KANK1: variants seen among roughly 807,000 people sequenced by gnomAD.
KANK1 encodes the protein KN motif and ankyrin repeat domains 1, also known as KN motif and ankyrin repeat domain-containing protein 1.
Under a neutral mutation model 106.2 loss-of-function variants are expected in KANK1, and 109 were observed. That is an observed-to-expected ratio of 1.03 (90% CI 0.88 to 1.20). The LOEUF (loss-of-function observed/expected upper bound fraction) is 1.20, where lower values mean the gene tolerates loss of function less well. KANK1 is among the 50% of genes most tolerant of loss of function. KANK1 has a pLI of 0.00. For synonymous variants in KANK1, 873 were observed against 652.2 expected (o/e 1.34, Z -5.16); for missense variants, 2,399 against 1,710.7 (o/e 1.40, Z -7.10).
chr9:666,434 C>G (rs1242139621), intron 1 of KANK1, among the ~76,000 whole-genome samples: 1 of 151,930 alleles, frequency 6.6e-6, no homozygotes, highest in African/African-American at 2.4e-5. Context: ...ATATGAACAC[C>G]TTTATTTTTT....
At chr9:482,498 A>G (rs1461010141) in intron 3 of KANK1, among the ~76,000 whole-genome samples, 4 of 152,152 alleles carry the variant, frequency 2.6e-5, no homozygotes, top group African/African-American at 4.8e-5. Flanking sequence ...ATGGGGCACA[A>G]TATTTTCCCC....
At chr9:697,280 G>A (rs1223624025) in intron 2 of KANK1, among the ~76,000 whole-genome samples, 1 of 152,166 alleles carries the variant, frequency 6.6e-6, no homozygotes, top group Non-Finnish European at 1.5e-5. Context: ...GTGCAAAAGT[G>A]ATGCTCTGCT....
chr9:713,604 G>A, intron 3 of KANK1, 140 bp downstream of exon 3: 1 of 900,160 alleles, frequency 1.1e-6, no homozygotes, highest in Non-Finnish European at 1.6e-6. Context: ...TCTGTAGAAT[G>A]AAAACTAAGA....
intron 1 of KANK1, among the ~76,000 whole-genome samples, chr9:555,092 G>A (rs780545709): frequency 5.3e-5 from 8 of 152,170 alleles, no homozygotes; most frequent in Non-Finnish European, 1.2e-4. Flanking sequence ...CTGGCCTAGC[G>A]ACCACACTTT....
chr9:671,623 A>AAAAAAAAG (rs79437342), intron 1 of KANK1, among the ~76,000 whole-genome samples: 1 of 103,636 alleles, frequency 9.6e-6, no homozygotes, highest in Non-Finnish European at 1.8e-5. Flanking sequence ...CTCAAAAAAA[A>AAAAAAAAG]AAAAGAGTGT....
intron 1 of KANK1, among the ~76,000 whole-genome samples, chr9:600,019 A>G (rs1464124628): frequency 2.0e-5 from 3 of 151,856 alleles, no homozygotes; most frequent in African/African-American, 7.3e-5. Flanking sequence ...GGCAAAAAAA[A>G]TTACCTTAAA....
intron 2 of KANK1, among the ~76,000 whole-genome samples, chr9:709,661 G>T (rs965133734): frequency 1.7e-4 from 25 of 148,640 alleles, no homozygotes; most frequent in African/African-American, 6.0e-4. Context: ...TGTTGCCCAG[G>T]CTAGAATGCA....
rs533226438 is a variant in KANK1 at position 663,241 on chromosome 9, G to C, written c.-83-13649G>C. Among the ~76,000 whole-genome samples, 11 of 152,290 alleles carry C rather than the reference G, an allele frequency of 7.2e-5. No homozygotes were observed. In the South Asian group the frequency reaches 2.1e-3, roughly 29 times the overall value. ...AATCGTACTAAACTAACTTATATCT[G>C]TGGCTACTACATTGTTGTTCTTTAA... On this transcript the variant is annotated intron_variant, in intron 1 of 11. Coordinates refer to ENST00000382297, the MANE Select transcript of KANK1 (RefSeq NM_015158.5).
intron 2 of KANK1, among the ~76,000 whole-genome samples, chr9:702,660 A>G (rs1822976766): frequency 6.6e-6 from 1 of 152,194 alleles, no homozygotes; most frequent in African/African-American, 2.4e-5. Context: ...TATTGAATGT[A>G]GCCTCTTTCC....
intron 1 of KANK1, among the ~76,000 whole-genome samples, chr9:560,627 A>G (rs1816156281): frequency 6.6e-6 from 1 of 152,230 alleles, no homozygotes; most frequent in Non-Finnish European, 1.5e-5. Context: ...ACTTTAAATT[A>G]TCACCAGATA....
At chr9:546,838 A>G (rs1189383584) in intron 1 of KANK1, among the ~76,000 whole-genome samples, 2 of 152,118 alleles carry the variant, frequency 1.3e-5, no homozygotes, top group Non-Finnish European at 1.5e-5. Context: ...CTATGTTGAT[A>G]AGGCTCTAAT....
At chr9:543,098 A>T (rs972497410) in intron 1 of KANK1, among the ~76,000 whole-genome samples, 3 of 152,184 alleles carry the variant, frequency 2.0e-5, no homozygotes, top group Non-Finnish European at 4.4e-5. Flanking sequence ...AGGTCTATGT[A>T]CATCAAACCA....
At chr9:601,403 T>G (rs1160936971) in intron 1 of KANK1, among the ~76,000 whole-genome samples, 1 of 151,906 alleles carries the variant, frequency 6.6e-6, no homozygotes, top group Non-Finnish European at 1.5e-5. Context: ...TCCCACAGTT[T>G]GTGACAGTTC....
chr9:528,240 C>G (rs919449651), intron 1 of KANK1, among the ~76,000 whole-genome samples: 1 of 151,788 alleles, frequency 6.6e-6, no homozygotes, highest in African/African-American at 2.4e-5. Flanking sequence ...CCTTCTCAAA[C>G]TGGGAACTTA....
intron 1 of KANK1, among the ~76,000 whole-genome samples, chr9:633,595 A>G (rs1452878460): frequency 6.6e-6 from 1 of 152,346 alleles, no homozygotes; most frequent in East Asian, 1.9e-4. Flanking sequence ...TGAACCTGGC[A>G]TATGAGCTCT....
At chr9:691,051 G>T (rs1450191659) in intron 2 of KANK1, among the ~76,000 whole-genome samples, 3 of 152,212 alleles carry the variant, frequency 2.0e-5, no homozygotes, top group Non-Finnish European at 4.4e-5. Flanking sequence ...GAACCTTTGT[G>T]ACTGATGGTT....
chr9:693,525 C>T (rs998124801), intron 2 of KANK1: 6 of 985,412 alleles, frequency 6.1e-6, no homozygotes, highest in Non-Finnish European at 7.2e-6. Context: ...AGGGCTTTGC[C>T]TCTTTTTTAA....
chr9:680,588 G>C (rs907749625), intron 2 of KANK1, among the ~76,000 whole-genome samples: 7 of 152,146 alleles, frequency 4.6e-5, no homozygotes, highest in Admixed American at 3.9e-4. Flanking sequence ...CCTACTACGT[G>C]CTGTTTTAGG....
intron 1 of KANK1, among the ~76,000 whole-genome samples, chr9:640,354 G>A (rs888504330): frequency 6.6e-6 from 1 of 151,814 alleles, no homozygotes; most frequent in African/African-American, 2.4e-5. Context: ...TCCTGCATCA[G>A]CCTCCCGATT....
Sources: allele counts gnomAD v4.1 joint callset (sites outside exome capture counted in the v4.1 genomes callset), GRCh38; gene constraint gnomAD v4.1.1; transcripts MANE v1.5; gene names NCBI Gene and HGNC (gene_info 2026-07-23, HGNC 2026-07-21).